The following TENM2 variants were observed in gnomAD, a reference collection of about 807,000 sequenced individuals.
TENM2 encodes teneurin transmembrane protein 2.
TENM2 carries 52 observed loss-of-function variants against 245.2 expected under a neutral mutation model. The observed-to-expected ratio is 0.21, with a 90% CI of 0.17 to 0.27. The LOEUF is 0.27. TENM2 is among the 10% of genes least tolerant of loss of function. The probability of loss-of-function intolerance (pLI) is 1.00; values close to 1 mark genes in which losing one functional copy is unlikely to be tolerated. For synonymous variants in TENM2, 1,363 were observed against 1,438.9 expected, an observed-to-expected ratio of 0.95 and a Z score of 1.19; for missense variants, 3,046 against 3,666.8, an observed-to-expected ratio of 0.83 and a Z score of 4.37.
the TENM2 span, among the ~76,000 whole-genome samples, chr5:167,103,886 A>G: frequency 3.3e-5 from 5 of 151,752 alleles, no homozygotes; most frequent in Admixed American, 1.3e-4. Context: ...ATGTGTGTAC[A>G]CACACACACG....
chr5:166,979,228 C>T, the TENM2 span, among the ~76,000 whole-genome samples: 5 of 151,848 alleles, frequency 3.3e-5, no homozygotes, highest in Admixed American at 6.6e-5. Flanking sequence ...GCAGCAGCAG[C>T]AGCAGCAGCC....
At chr5:167,217,439 A>G in the TENM2 span, among the ~76,000 whole-genome samples, 2 of 152,156 alleles carry the variant, frequency 1.3e-5, no homozygotes, top group South Asian at 4.1e-4. Context: ...TATTTGCAGC[A>G]GCTTCCAACC....
At chr5:167,754,959 A>C in intron 2 of TENM2, 1 of 1,483,194 alleles carries the variant, frequency 6.7e-7, no homozygotes, top group Non-Finnish European at 9.0e-7. Context: ...CCAGCTGGAG[A>C]AGGCCTCAGC....
chr5:168,216,750 A>G lies in TENM2; in HGVS notation c.4079-18A>G. On this transcript the variant is annotated intron_variant, in intron 21 of 28. Transcript: ENST00000518659. ...ACACCTTTCCAAGAGATAAATCCAC[A>G]CCGCTTGTCTTGCTCAGGTATTGCA... The G allele has an allele frequency of 6.2e-7, 1 of 1,613,466 alleles. No homozygotes were observed. The highest frequency in any genetic ancestry group is 8.5e-7 in the Non-Finnish European group (1 of 1,179,592).
At chr5:168,099,517 T>G (rs1359670030) in intron 9 of TENM2, among the ~76,000 whole-genome samples, 1 of 152,180 alleles carries the variant, frequency 6.6e-6, no homozygotes. Flanking sequence ...AGGGCTTGAC[T>G]TTCTTATTTA....
chr5:167,166,585 C>T, the TENM2 span, among the ~76,000 whole-genome samples: 1 of 151,952 alleles, frequency 6.6e-6, no homozygotes, highest in Non-Finnish European at 1.5e-5. Context: ...TTCCAAATGT[C>T]TATCCAGTTA....
rs560341926 is a variant in TENM2 at position 167,800,590 on chromosome 5, G to A, written c.503-75396G>A. 2.6e-5 allele frequency among the ~76,000 whole-genome samples: 4 copies of A among 152,274 alleles called. No homozygotes were observed. The South Asian group carries it at 8.3e-4, about 32-fold the overall frequency. ...GCAGTTATAATATGCTCATTAGGCC[G>A]CATGTTAGTTTTCAAGTCTTGCAGC... On this transcript the variant is annotated intron_variant, in intron 2 of 28. Transcript: ENST00000518659.
At chr5:167,687,135 G>T (rs961690494) in intron 2 of TENM2, among the ~76,000 whole-genome samples, 1 of 152,024 alleles carries the variant, frequency 6.6e-6, no homozygotes, top group African/African-American at 2.4e-5. Context: ...TGTGTTCTCC[G>T]GTTACCTCGG....
intron 6 of TENM2, among the ~76,000 whole-genome samples, chr5:168,061,347 T>C (rs1176078144): frequency 1.3e-5 from 2 of 152,152 alleles, no homozygotes; most frequent in Non-Finnish European, 2.9e-5. Context: ...CACTTGGAAG[T>C]ATAGGGGGTG....
chr5:167,904,295 C>T (rs910809019), intron 3 of TENM2, among the ~76,000 whole-genome samples: 15 of 152,126 alleles, frequency 9.9e-5, no homozygotes, highest in African/African-American at 3.4e-4. Context: ...CCCCACCTGC[C>T]ACCCCACATC....
chr5:167,538,247 G>A (rs1274245709), intron 2 of TENM2, among the ~76,000 whole-genome samples: 2 of 152,216 alleles, frequency 1.3e-5, no homozygotes, highest in South Asian at 2.1e-4. Flanking sequence ...TTGGAAAGGC[G>A]ATTTCAAATA....
chr5:167,936,058 C>T (rs930593975), intron 3 of TENM2, among the ~76,000 whole-genome samples: 17 of 152,156 alleles, frequency 1.1e-4, no homozygotes, highest in Non-Finnish European at 1.9e-4. Flanking sequence ...TTGGAAATTT[C>T]CTAAGACAAA....
intron 2 of TENM2, among the ~76,000 whole-genome samples, chr5:167,812,583 G>C (rs752454122): frequency 3.3e-5 from 5 of 152,194 alleles, no homozygotes; most frequent in Admixed American, 6.5e-5. Flanking sequence ...GGATTTCTTA[G>C]AGTTGCATTC....
chr5:168,247,431 G>A lies in TENM2; in HGVS notation c.6492G>A (p.Gln2164=), dbSNP rs557097352. 2 of 1,613,918 alleles carry A rather than the reference G, an allele frequency of 1.2e-6. No homozygotes were observed. Among genetic ancestry groups the A allele is most frequent in the Admixed American group, 3.3e-5 (2 of 60,030 alleles). ...CCCATGGGCGGATCAAGGAGGTCCA[G>A]TATGAGATGTTCCGGTCCCTCATGT... is the stretch of plus-strand genomic sequence containing the variant. The change falls in exon 27 of 29, where the codon CAG becomes CAA. Residue 2164 remains glutamine (Q), a synonymous_variant. Transcript: ENST00000518659. This position sits in a 1 kb window ranked among gnomAD's most constrained non-coding sequence, Gnocchi z 7.8.
the TENM2 span, among the ~76,000 whole-genome samples, chr5:167,276,649 A>G: frequency 6.6e-6 from 1 of 152,028 alleles, no homozygotes; most frequent in African/African-American, 2.4e-5. Context: ...CAAATACTCA[A>G]GTCTCTTATA....
At chr5:167,386,381 ATTTG>A (rs1406189451) in intron 2 of TENM2, among the ~76,000 whole-genome samples, 1 of 151,292 alleles carries the variant, frequency 6.6e-6, no homozygotes, top group Non-Finnish European at 1.5e-5. Flanking sequence ...TTTCTTGCTG[ATTTG>A]TTTGAGTTTA....
intron 2 of TENM2, among the ~76,000 whole-genome samples, chr5:167,775,683 C>T (rs997576747): frequency 1.3e-5 from 2 of 151,434 alleles, no homozygotes; most frequent in African/African-American, 2.4e-5. Flanking sequence ...TCAGTGTTCT[C>T]GGATTAAAAA....
the TENM2 span, among the ~76,000 whole-genome samples, chr5:167,197,654 T>G: frequency 6.6e-6 from 1 of 152,162 alleles, no homozygotes; most frequent in East Asian, 1.9e-4. Flanking sequence ...ATTGGCATTG[T>G]TTGTGCTGTA....
rs907340071 is a variant in TENM2, at chr5:167,547,206, C to A, written c.502+171733C>A. Reference sequence around the variant, plus strand: ...GTTCAAGCGATTCTGTTGCCTCAGCCTCGCGAGTAGCTCGGATTACAGGCA... The same window carrying A: ...GTTCAAGCGATTCTGTTGCCTCAGCATCGCGAGTAGCTCGGATTACAGGCA... On this transcript the variant is annotated intron_variant, in intron 2 of 28. Coordinates refer to ENST00000518659, the Ensembl canonical transcript of TENM2. Among the ~76,000 whole-genome samples, 60 of 152,172 alleles carry A rather than the reference C, an allele frequency of 3.9e-4. 1 individual carries two copies. Among genetic ancestry groups the A allele is most frequent in the Admixed American group, 3.8e-3 (58 of 15,268 alleles).
Sources: gnomAD v4.1 joint callset for allele counts (sites outside exome capture counted in the v4.1 genomes callset) on GRCh38, gnomAD v4.1.1 for gene constraint, Gnocchi (gnomAD v3.1) non-coding constraint, MANE v1.5 for transcripts, NCBI Gene and HGNC (gene_info 2026-07-23, HGNC 2026-07-21) for gene names.